Variants in TLE1 observed in about 807,000 individuals in gnomAD.
The protein encoded by TLE1 is transducin-like enhancer protein 1.
Under a neutral mutation model 89.8 loss-of-function variants are expected in TLE1, and 21 were observed. That is an observed-to-expected ratio of 0.23 (90% CI 0.17 to 0.34). The LOEUF is 0.34. Among genes scored for constraint, TLE1 ranks in the 10% least tolerant of loss-of-function variants. The pLI is 1.00. For missense variants in TLE1, 795 were observed against 1,031.2 expected, an observed-to-expected ratio of 0.77 and a Z score of 3.14; for synonymous variants, 447 against 407.6, an observed-to-expected ratio of 1.10 and a Z score of -1.16.
chr9:81,650,156 C>T (rs1490145625), intron 6 of TLE1, among the ~76,000 whole-genome samples: 9 of 152,084 alleles, frequency 5.9e-5, no homozygotes, highest in Admixed American at 5.2e-4. Flanking sequence ...TAAAGCCATT[C>T]GTAAAATTAG....
At chr9:81,584,329 G>C (rs768737906) in intron 19 of TLE1, 24 bp from the exon 20 acceptor site, 42 of 1,610,930 alleles carry the variant, frequency 2.6e-5, no homozygotes, top group Non-Finnish European at 3.1e-5. Context: ...CAATGGACAT[G>C]TGTTTAATGT....
chr9:81,646,880 C>T lies in TLE1; in HGVS notation c.372+5334G>A, dbSNP rs77880430. ...TAAAATATACAAAATCAGATATTTG[C>T]CTATGGAGAAGGAATATAGAAATCT... On this transcript the variant is annotated intron_variant, in intron 6 of 19. Transcript: ENST00000376499. 3.3e-3 allele frequency among the ~76,000 whole-genome samples: 509 copies of T among 152,194 alleles called. 6 individuals are homozygous for T. The highest frequency in any genetic ancestry group is 0.012 in the African/African-American group (491 of 41,498).
chr9:81,611,460 G>A (rs534496093), intron 13 of TLE1, among the ~76,000 whole-genome samples: 1 of 152,142 alleles, frequency 6.6e-6, no homozygotes, highest in Non-Finnish European at 1.5e-5. Flanking sequence ...AAAAAAAATC[G>A]ACTTTGGTGG....
rs145673265 is a variant in TLE1 at position 81,644,757 on chromosome 9, G to T, written c.372+7457C>A. ...GCCTGTAATCCCAGCACTTTGGGAG[G>T]CAGAGACAGGTGAATCACCTGAGGT... On this transcript the variant is annotated intron_variant, in intron 6 of 19. Coordinates refer to ENST00000376499, the MANE Select transcript of TLE1 (RefSeq NM_005077.5). 4.6e-5 allele frequency among the ~76,000 whole-genome samples: 7 copies of T among 152,244 alleles called. 1 individual carries two copies. Among genetic ancestry groups the T allele is most frequent in the African/African-American group, 1.7e-4 (7 of 41,540 alleles).
chr9:81,675,700 T>C (rs921968395), intron 4 of TLE1, among the ~76,000 whole-genome samples: 2 of 139,720 alleles, frequency 1.4e-5, no homozygotes, highest in African/African-American at 5.8e-5. Flanking sequence ...TCACACTAGT[T>C]TTTTTTTGTT....
At chr9:81,595,776 G>A (rs931603499) in intron 14 of TLE1, among the ~76,000 whole-genome samples, 6 of 145,688 alleles carry the variant, frequency 4.1e-5, no homozygotes, top group Non-Finnish European at 6.0e-5. Flanking sequence ...CCGAGATTGT[G>A]CCACTGCACT....
chr9:81,685,390 A>G (rs1406144312), intron 4 of TLE1, among the ~76,000 whole-genome samples: 1 of 152,220 alleles, frequency 6.6e-6, no homozygotes, highest in Non-Finnish European at 1.5e-5. Flanking sequence ...GGATAAATCT[A>G]TACAGGTGAA....
chr9:81,588,816 G>A lies in TLE1; in HGVS notation c.1830-988C>T, dbSNP rs915514582. On this transcript the variant is annotated intron_variant, in intron 16 of 19. Coordinates refer to ENST00000376499, the MANE Select transcript of TLE1 (RefSeq NM_005077.5). ...CGGGATCCAGTAAAGAACTGCGTGG[G>A]AATTTCAACACTGAGAAGAAAGTTA... Among the ~76,000 whole-genome samples the A allele has an allele frequency of 7.2e-5, 11 of 152,086 alleles. No individual in the cohort carries two copies. The East Asian group carries it at 9.7e-4, about 13-fold the overall frequency.
intron 8 of TLE1, among the ~76,000 whole-genome samples, chr9:81,624,164 C>T (rs1024101304): frequency 1.3e-5 from 2 of 152,348 alleles, no homozygotes; most frequent in South Asian, 2.1e-4. Context: ...TAATACCTGA[C>T]GCATGGTTTC....
chr9:81,607,145 C>G (rs1028119557), intron 14 of TLE1, among the ~76,000 whole-genome samples: 1 of 151,912 alleles, frequency 6.6e-6, no homozygotes, highest in African/African-American at 2.4e-5. Context: ...GCGATTTTGA[C>G]CAAGATGAGA....
rs1156372917 is a variant in TLE1 at position 81,633,201 on chromosome 9, A to G, written c.594+147T>C. 39 of 1,372,294 alleles carry G rather than the reference A, an allele frequency of 2.8e-5. No homozygotes were observed. In the Middle Eastern group the frequency reaches 8.3e-4, roughly 29 times the overall value. 85.0% of individuals were successfully genotyped at this position (1,372,294 alleles called of 1,614,324 possible). ...AAGAAATTTTAAAGGAAAAAAAGTA[A>G]AAGAAAAAAGCCAGGTCACTGAGAG... is the stretch of plus-strand genomic sequence containing the variant. On this transcript the variant is annotated intron_variant, in intron 8 of 19. Coordinates refer to ENST00000376499, the MANE Select transcript of TLE1 (RefSeq NM_005077.5).
rs558693158 is a variant in TLE1, at chr9:81,622,720, C to A, written c.595-2163G>T. Among the ~76,000 whole-genome samples, 5 of 152,266 alleles carry A rather than the reference C, an allele frequency of 3.3e-5. No homozygotes were observed. In the South Asian group the frequency reaches 1.0e-3, roughly 32 times the overall value. On this transcript the variant is annotated intron_variant, in intron 8 of 19. Coordinates refer to ENST00000376499, the MANE Select transcript of TLE1 (RefSeq NM_005077.5). ...TGGTGGACAGGGCTAGTAATTAGCA[C>A]CCCTGCTTATCTGAAAATGGGCCCC... is the stretch of plus-strand genomic sequence containing the variant.
intron 8 of TLE1, among the ~76,000 whole-genome samples, chr9:81,628,151 G>A (rs1008044162): frequency 3.9e-5 from 6 of 152,174 alleles, no homozygotes; most frequent in African/African-American, 1.2e-4. Flanking sequence ...ATTCACTGCC[G>A]TCTTGCTACT....
At chr9:81,619,744 A>G (rs1824995257) in intron 9 of TLE1, among the ~76,000 whole-genome samples, 2 of 152,202 alleles carry the variant, frequency 1.3e-5, no homozygotes, top group Admixed American at 6.5e-5. Context: ...CTGAGAACAG[A>G]GCCAATGGCC....
chr9:81,668,954 T>C (rs938769216), intron 4 of TLE1, among the ~76,000 whole-genome samples: 3 of 152,202 alleles, frequency 2.0e-5, no homozygotes, highest in Non-Finnish European at 4.4e-5. Context: ...GAAAACATCC[T>C]AGATAGTCTT....
chr9:81,617,610 A>G (rs537911976), intron 9 of TLE1, among the ~76,000 whole-genome samples: 12 of 152,310 alleles, frequency 7.9e-5, no homozygotes, highest in African/African-American at 2.4e-4. Flanking sequence ...GCTGAGGCAC[A>G]AGGATCGTTT....
chr9:81,677,364 G>A (rs1234205380), intron 4 of TLE1, among the ~76,000 whole-genome samples: 1 of 151,898 alleles, frequency 6.6e-6, no homozygotes, highest in Non-Finnish European at 1.5e-5. Context: ...AGGAGATCGA[G>A]ACCATCCTGG....
chr9:81,609,084 T>C (rs981402052), intron 14 of TLE1, among the ~76,000 whole-genome samples: 9 of 151,102 alleles, frequency 6.0e-5, no homozygotes, highest in African/African-American at 1.2e-4. Flanking sequence ...CTCCTCTCCT[T>C]TCCTTTCCTT....
rs536438938 is a variant in TLE1, at chr9:81,620,823, G to A, written c.595-266C>T. On this transcript the variant is annotated intron_variant, in intron 8 of 19. Coordinates refer to ENST00000376499, the MANE Select transcript of TLE1 (RefSeq NM_005077.5). The stretch of plus-strand genomic sequence containing the variant: ...GAAATGTGCTTCTGTCCTATTTACT[G>A]TTTGAGAAATAGGAGCTTGCTGTGT... 47 of 1,131,704 alleles carry A rather than the reference G, an allele frequency of 4.2e-5. No homozygotes were observed. In the African/African-American group the frequency reaches 6.4e-4, roughly 15 times the overall value. 70.1% of individuals were successfully genotyped at this position (1,131,704 alleles called of 1,614,324 possible). A position where few individuals can be genotyped will look rare whatever the true frequency, so the allele number is the denominator to read the frequency against.
Sources: allele counts gnomAD v4.1 joint callset (sites outside exome capture counted in the v4.1 genomes callset), GRCh38; gene constraint gnomAD v4.1.1; transcripts MANE v1.5; gene names NCBI Gene and HGNC (gene_info 2026-07-23, HGNC 2026-07-21).